Variants in ZNF620 observed in about 807,000 individuals in gnomAD.
ZNF620 encodes the protein zinc finger protein 620.
ZNF620 carries 10 observed loss-of-function variants against 13.3 expected under a neutral mutation model. That is an observed-to-expected ratio of 0.75 (90% CI 0.46 to 1.28). The LOEUF (loss-of-function observed/expected upper bound fraction) is 1.28. ZNF620 is among the 50% of genes most tolerant of loss of function. ZNF620 has a pLI of 0.00. For missense variants in ZNF620, 461 were observed against 500.2 expected, an observed-to-expected ratio of 0.92 and a Z score of 0.75; for synonymous variants, 166 against 177.6, an observed-to-expected ratio of 0.93 and a Z score of 0.52.
chr3:40,511,623 C>T (rs1484085188), intron 3 of ZNF620, 27 bp downstream of exon 3: 1 of 1,607,806 alleles, frequency 6.2e-7, no homozygotes, highest in African/African-American at 1.3e-5. Context: ...TGTTTTTGGC[C>T]TCTGCCCTTT....
intron 3 of ZNF620, 45 bp downstream of exon 3, chr3:40,511,641 C>T: frequency 6.3e-7 from 1 of 1,591,326 alleles, no homozygotes. Context: ...TTTAAGCATC[C>T]TGGCTTCTTT....
Position 40,518,111 on chromosome 3 carries a change from A to C in ZNF620, c.*1248A>C, listed in dbSNP as rs1225258000. The C allele has an allele frequency of 6.6e-6, 1 of 152,184 alleles. No homozygotes were observed. Among genetic ancestry groups the C allele is most frequent in the Non-Finnish European group, 1.5e-5 (1 of 68,038 alleles). 9.4% of individuals were successfully genotyped at this position (152,184 alleles called of 1,614,324 possible). On this transcript the variant is annotated 3_prime_UTR_variant, in exon 5 of 5. Coordinates refer to ENST00000314529, the MANE Select transcript of ZNF620 (RefSeq NM_175888.4). ...GCAGCATTTTCTTGCAATTCCATCT[A>C]GTTATTTTTTATGATCATGGAAGAA...
chr3:40,510,901 C>T (rs1379165609), intron 2 of ZNF620, among the ~76,000 whole-genome samples: 1 of 152,144 alleles, frequency 6.6e-6, no homozygotes, highest in Non-Finnish European at 1.5e-5. Context: ...AGGCATGCAC[C>T]ACCACACTTG....
intron 1 of ZNF620, 58 bp downstream of exon 1, chr3:40,506,196 T>C: frequency 1.1e-6 from 1 of 917,968 alleles, no homozygotes; most frequent in Non-Finnish European, 1.7e-6. Flanking sequence ...CCTTTGCTTT[T>C]TGGGGTGAGG....
At chr3:40,511,656 C>A (rs1399426583) in intron 3 of ZNF620, 60 bp downstream of exon 3, 1 of 1,566,458 alleles carries the variant, frequency 6.4e-7, no homozygotes, top group African/African-American at 1.4e-5. Flanking sequence ...TTCTTTATTC[C>A]TTAGAACTTT....
chr3:40,512,612 G>A, intron 4 of ZNF620, 97 bp downstream of exon 4: 2 of 885,676 alleles, frequency 2.3e-6, no homozygotes, highest in Non-Finnish European at 3.4e-6. Flanking sequence ...TTGGGAGACT[G>A]TTTTTGTTCC....
At position 40,517,150 on chromosome 3, in the gene ZNF620, A is replaced by C. The variant is rs1698417090; in HGVS notation, c.*287A>C. ...TTCAAGGGAAACCTACATTAAGGAA[A>C]ATTGCTGTGAATTATGAAAACACCA... On this transcript the variant is annotated 3_prime_UTR_variant, in exon 5 of 5. Transcript: ENST00000314529. The C allele has an allele frequency of 4.2e-6, 1 of 237,130 alleles. No individual in the cohort carries two copies. Among genetic ancestry groups the C allele is most frequent in the African/African-American group, 2.2e-5 (1 of 44,494 alleles). 14.7% of individuals were successfully genotyped at this position (237,130 alleles called of 1,614,324 possible).
Position 40,516,369 on chromosome 3 carries a change from A to T in ZNF620, c.775A>T (p.Lys259Ter). 6.2e-7 allele frequency: 1 copy of T among 1,614,258 alleles called. No homozygotes were observed. The highest frequency in any genetic ancestry group is 8.5e-7 in the Non-Finnish European group (1 of 1,180,050). ...KKPFKCKECGKGLSSDTALIQ... is the reference protein window; with the variant it reads ...KKPFKCKECG The stretch of plus-strand genomic sequence containing the variant: ...ACCATTTAAATGTAAAGAATGTGGA[A>T]AAGGTTTAAGTTCAGACACAGCCTT... Residue 259 changes from lysine to a stop codon, truncating the protein, a stop_gained, in exon 5 of 5, where the codon AAA becomes TAA. Transcript: ENST00000314529. LOFTEE classifies it low-confidence loss of function (END_TRUNC).
In ZNF620 at chr3:40,516,209, CA is replaced by C. The variant is rs1698378412; in HGVS notation, c.616del (p.Ile206PhefsTer39). On this transcript the variant is annotated frameshift_variant, in exon 5 of 5. Coordinates refer to ENST00000314529, the MANE Select transcript of ZNF620 (RefSeq NM_175888.4). LOFTEE classifies it low-confidence loss of function (END_TRUNC). Reference protein sequence around the residue: ...YECGQCGRYFIQMADFHRHEK... With the variant: ...YECGQCGRYFXQMADFHRHEK... ...AATGTGGACAATGTGGCAGATATTT[CA>C]TTCAAATGGCAGACTTCCACCGACA... The C allele has an allele frequency of 1.2e-6, 2 of 1,613,970 alleles. No homozygotes were observed. Among genetic ancestry groups the C allele is most frequent in the African/African-American group, 2.7e-5 (2 of 74,934 alleles).
intron 4 of ZNF620, among the ~76,000 whole-genome samples, chr3:40,513,316 A>AAAAAAAAATATATATATAT (rs1193351404): frequency 3.2e-5 from 2 of 62,678 alleles, no homozygotes; most frequent in African/African-American, 1.7e-4. Flanking sequence ...AAAAAAAAAA[A>AAAAAAAAATATATATATAT]ATATATATAT....
chr3:40,506,597 A>G (rs1364494820), intron 2 of ZNF620, among the ~76,000 whole-genome samples: 1 of 152,232 alleles, frequency 6.6e-6, no homozygotes, highest in Non-Finnish European at 1.5e-5. Context: ...GCTTAAAAAT[A>G]AAAATTATGA....
Position 40,515,947 on chromosome 3 carries a change from G to T in ZNF620, c.353G>T (p.Gly118Val). 3 of 1,614,086 alleles carry T rather than the reference G, an allele frequency of 1.9e-6. No individual in the cohort carries two copies. The highest frequency in any genetic ancestry group is 2.5e-6 in the Non-Finnish European group (3 of 1,180,004). ...ETESFRLMVG[G>V]LPGNVSQHLD... Reference sequence around the variant, plus strand: ...GAGTCCTTCAGACTGATGGTGGGGGGCCTGCCAGGGAATGTTTCCCAGCAC... The same window carrying T: ...GAGTCCTTCAGACTGATGGTGGGGGTCCTGCCAGGGAATGTTTCCCAGCAC... The change falls in exon 5 of 5, where the codon GGC (glycine) becomes GTC (valine). Residue 118 changes from glycine to valine, a missense_variant. Coordinates refer to ENST00000314529, the MANE Select transcript of ZNF620 (RefSeq NM_175888.4).
At chr3:40,507,393 C>CT (rs1291289426) in intron 2 of ZNF620, among the ~76,000 whole-genome samples, 4 of 152,084 alleles carry the variant, frequency 2.6e-5, no homozygotes, top group African/African-American at 9.7e-5. Flanking sequence ...CCCAGCCTCT[C>CT]TTTGTTAATG....
chr3:40,517,732 C>T lies in ZNF620; in HGVS notation c.*869C>T, dbSNP rs1698435501. Reference sequence around the variant, plus strand: ...AAATCTGAAATCTTTATCTCCCATGCATCCTTTCTCATATGTGCAACACTA... The same window carrying T: ...AAATCTGAAATCTTTATCTCCCATGTATCCTTTCTCATATGTGCAACACTA... On this transcript the variant is annotated 3_prime_UTR_variant, in exon 5 of 5. Transcript: ENST00000314529. 6.6e-6 allele frequency: 1 copy of T among 152,182 alleles called. No homozygotes were observed. Among genetic ancestry groups the T allele is most frequent in the Non-Finnish European group, 1.5e-5 (1 of 68,036 alleles). The allele number at this position is 152,182 out of a possible 1,614,324, so 9.4% of individuals were successfully genotyped here.
chr3:40,516,087 AAGAATGGAG>A lies in ZNF620; in HGVS notation c.498_506del (p.Asn166_Glu168del), dbSNP rs778439216. 15 of 1,614,062 alleles carry A rather than the reference AAGAATGGAG, an allele frequency of 9.3e-6. No homozygotes were observed. Among genetic ancestry groups the A allele is most frequent in the Admixed American group, 6.7e-5 (4 of 60,006 alleles). On this transcript the variant is annotated inframe_deletion, in exon 5 of 5. Transcript: ENST00000314529. ...CAGGCACCATGAGGCCTATGAGGTC[AAGAATGGAG>A]AGAAGTTTGAGAAATTAGGAAAAAA...
Position 40,515,810 on chromosome 3 carries a change from GTGTGTGTGTGA to G in ZNF620, c.266-48_266-38del, listed in dbSNP as rs753275927. 2.6e-4 allele frequency: 379 copies of G among 1,452,158 alleles called. 1 individual carries two copies. In the African/African-American group the frequency reaches 4.7e-3, roughly 18 times the overall value. The allele number at this position is 1,452,158 out of a possible 1,614,324, so 90.0% of individuals were successfully genotyped here. ...TGTGTGTGTGTGTGTGTGTGTGTGT[GTGTGTGTGTGA>G]TATCAGGGACTGACATTTGTATTTT... On this transcript the variant is annotated intron_variant, in intron 4 of 4. Transcript: ENST00000314529.
Position 40,516,893 on chromosome 3 carries a change from C to T in ZNF620, c.*30C>T, listed in dbSNP as rs749533498. The T allele has an allele frequency of 6.5e-7, 1 of 1,534,674 alleles. No homozygotes were observed. The highest frequency in any genetic ancestry group is 8.8e-7 in the Non-Finnish European group (1 of 1,142,020). The stretch of plus-strand genomic sequence containing the variant: ...ATCCATAGTTAGGCCCACTGTGCCT[C>T]TCCTTTTTTCTCTTTATTTTCATGC... On this transcript the variant is annotated 3_prime_UTR_variant, in exon 5 of 5. Transcript: ENST00000314529.
chr3:40,516,802 GGT>G lies in ZNF620; in HGVS notation c.1212_1213del (p.Cys404TrpfsTer56). 6.2e-7 allele frequency: 1 copy of G among 1,613,944 alleles called. No individual in the cohort carries two copies. The highest frequency in any genetic ancestry group is 1.1e-5 in the South Asian group (1 of 91,072). The stretch of plus-strand genomic sequence containing the variant: ...AAAGTGTGTGGTAAAACCTTCAGCT[GGT>G]GTGGAAGATTCATTCTGCATCAGAA... On this transcript the variant is annotated frameshift_variant, in exon 5 of 5. Coordinates refer to ENST00000314529, the MANE Select transcript of ZNF620 (RefSeq NM_175888.4). LOFTEE classifies it low-confidence loss of function (END_TRUNC).
rs571379283 is a variant in ZNF620 at position 40,507,214 on chromosome 3, C to A, written c.24+838C>A. Among the ~76,000 whole-genome samples, 4 of 151,244 alleles carry A rather than the reference C, an allele frequency of 2.6e-5. No homozygotes were observed. In the South Asian group the frequency reaches 6.3e-4, roughly 24 times the overall value. ...TCAAGCGATTCTCCTGCCTCAGCCTCCCGAGTAGCTGGGACTACAAGCACG... is the reference window on the plus strand; with the variant it reads ...TCAAGCGATTCTCCTGCCTCAGCCTACCGAGTAGCTGGGACTACAAGCACG... On this transcript the variant is annotated intron_variant, in intron 2 of 4. Coordinates refer to ENST00000314529, the MANE Select transcript of ZNF620 (RefSeq NM_175888.4).
Sources: allele counts gnomAD v4.1 joint callset (sites outside exome capture counted in the v4.1 genomes callset), GRCh38; gene constraint gnomAD v4.1.1; transcripts MANE v1.5; gene names NCBI Gene and HGNC (gene_info 2026-07-23, HGNC 2026-07-21).